Variants in POF1B observed in about 807,000 individuals in gnomAD.
POF1B encodes POF1B actin binding protein, also known as protein POF1B.
POF1B carries 53 observed loss-of-function variants against 55.3 expected under a neutral mutation model. The ratio of observed to expected loss-of-function variants is 0.96; its 90% CI spans 0.77 to 1.20. The LOEUF (loss-of-function observed/expected upper bound fraction) is 1.20. POF1B is among the 50% of genes most tolerant of loss of function. POF1B has a pLI of 0.00. For missense variants in POF1B, 478 were observed against 420.5 expected, an observed-to-expected ratio of 1.14 and a Z score of -1.20; for synonymous variants, 188 against 148.3, an observed-to-expected ratio of 1.27 and a Z score of -1.95.
At chrX:85,347,892 C>T (rs1295627988) in intron 5 of POF1B, among the ~76,000 whole-genome samples, 1 of 110,615 alleles carries the variant, frequency 9.0e-6, no homozygotes, top group African/African-American at 3.3e-5. Flanking sequence ...TCTTCATATA[C>T]TGGAATGAGG....
At chrX:85,364,734 T>A (rs1280763351) in intron 3 of POF1B, among the ~76,000 whole-genome samples, 1 of 111,594 alleles carries the variant, frequency 9.0e-6, no homozygotes, top group Non-Finnish European at 1.9e-5. Context: ...GTCTTGAGGA[T>A]GATCTTCTTG....
At chrX:85,292,543 C>T (rs868234006) in intron 15 of POF1B, among the ~76,000 whole-genome samples, 2 of 111,776 alleles carry the variant, frequency 1.8e-5, no homozygotes, top group Non-Finnish European at 3.8e-5. Flanking sequence ...TGGTAGAATT[C>T]AGCTGCGAAT....
chrX:85,281,218 C>A (rs1378553097), intron 16 of POF1B, among the ~76,000 whole-genome samples: 5 of 107,707 alleles, frequency 4.6e-5, no homozygotes, highest in African/African-American at 1.7e-4. Flanking sequence ...CTAAACAAGA[C>A]GGTATGACAC....
chrX:85,362,007 T>C (rs1933634042), intron 3 of POF1B, among the ~76,000 whole-genome samples: 1 of 107,680 alleles, frequency 9.3e-6, no homozygotes, highest in African/African-American at 3.4e-5. Context: ...TGTGTGGCAA[T>C]TGTGAAAGGG....
rs1932854137 is a variant in POF1B at position 85,322,847 on chromosome X, C to G, written c.855-7113G>C. On this transcript the variant is annotated intron_variant, in intron 7 of 16. Transcript: ENST00000262753. ...CAGCCACAAAACACATGAAAAAATGCTCACCATCACTGGCCATCAGAGAAA... is the reference window on the plus strand; with the variant it reads ...CAGCCACAAAACACATGAAAAAATGGTCACCATCACTGGCCATCAGAGAAA... Among the ~76,000 whole-genome samples the G allele has an allele frequency of 2.7e-5, 3 of 111,746 alleles. No individual in the cohort carries two copies. The Admixed American group carries it at 2.9e-4, about 11-fold the overall frequency.
intron 5 of POF1B, among the ~76,000 whole-genome samples, chrX:85,347,319 A>G (rs966470458): frequency 9.0e-5 from 10 of 111,467 alleles, no homozygotes; most frequent in Non-Finnish European, 1.7e-4. Flanking sequence ...TTAATACAGT[A>G]AAACACTTCA....
rs759191537 is a variant in POF1B, at chrX:85,284,650, T to C, written c.1650-2333A>G. On this transcript the variant is annotated intron_variant, in intron 15 of 16. Coordinates refer to ENST00000262753, the MANE Select transcript of POF1B (RefSeq NM_024921.4). ...CCCTTCCTTACACCTTATACAAAAA[T>C]TAATTCAAGATGGATTAAAGACTTA... 4.0e-3 allele frequency among the ~76,000 whole-genome samples: 444 copies of C among 111,611 alleles called. 5 individuals carry two copies. The highest frequency in any genetic ancestry group is 0.014 in the African/African-American group (416 of 30,666).
rs769911315 is a variant in POF1B at position 85,351,352 on chromosome X, GATCAGT to G, written c.532_537del (p.Thr178_Asp179del). On this transcript the variant is annotated inframe_deletion, in exon 5 of 17. Coordinates refer to ENST00000262753, the MANE Select transcript of POF1B (RefSeq NM_024921.4). The stretch of plus-strand genomic sequence containing the variant: ...TTTTAAAACAAAATATTACTTACCT[GATCAGT>G]ATTTAGCTTCTCCACTTTTCTTATT... 1.7e-6 allele frequency: 2 copies of G among 1,146,664 alleles called. No individual in the cohort carries two copies. The highest frequency in any genetic ancestry group is 2.4e-6 in the Non-Finnish European group (2 of 846,110). The allele number at this position is 1,146,664 out of a possible 1,213,427, so 94.5% of individuals were successfully genotyped here. A position where few individuals can be genotyped will look rare whatever the true frequency, so the allele number is the denominator to read the frequency against.
At chrX:85,358,705 GAAAT>G (rs1933551085) in intron 4 of POF1B, among the ~76,000 whole-genome samples, 1 of 110,679 alleles carries the variant, frequency 9.0e-6, no homozygotes, top group African/African-American at 3.3e-5. Flanking sequence ...ACAGGAAAAA[GAAAT>G]AAAGATTAGA....
At chrX:85,316,530 C>T (rs180972600) in intron 7 of POF1B, among the ~76,000 whole-genome samples, 4 of 110,825 alleles carry the variant, frequency 3.6e-5, no homozygotes, top group African/African-American at 1.3e-4. Context: ...TCATTTTTGC[C>T]AACTTGTTCC....
In POF1B at chrX:85,347,410, C is replaced by G. The variant is rs762105940; in HGVS notation, c.541-1368G>C. ...AAAAGAATGAAATAGTATACTCTTT[C>G]TGCTGTAACATGTTTTAAAAGTGAC... On this transcript the variant is annotated intron_variant, in intron 5 of 16. Coordinates refer to ENST00000262753, the MANE Select transcript of POF1B (RefSeq NM_024921.4). 7.5e-3 allele frequency among the ~76,000 whole-genome samples: 834 copies of G among 111,053 alleles called. 14 individuals are homozygous for G. The highest frequency in any genetic ancestry group is 0.026 in the African/African-American group (789 of 30,747).
Position 85,351,351 on chromosome X carries a change from T to C in POF1B, c.539A>G (p.Gln180Arg). 8.8e-7 allele frequency: 1 copy of C among 1,141,823 alleles called. No homozygotes were observed. The highest frequency in any genetic ancestry group is 1.2e-6 in the Non-Finnish European group (1 of 842,267). The allele number at this position is 1,141,823 out of a possible 1,213,427, so 94.1% of individuals were successfully genotyped here. A position where few individuals can be genotyped will look rare whatever the true frequency, so the allele number is the denominator to read the frequency against. Reference protein sequence around the residue: ...IRKVEKLNTDQGCHPQAQCHH... With the variant: ...IRKVEKLNTDRGCHPQAQCHH... ...GTTTTAAAACAAAATATTACTTACC[T>C]GATCAGTATTTAGCTTCTCCACTTT... Residue 180 changes from glutamine (Q) to arginine (R), a missense_variant and splice_region_variant, in exon 5 of 17, where the codon CAG becomes CGG. Gln to Arg is a conservative substitution (Grantham distance 43). Transcript: ENST00000262753.
chrX:85,360,396 T>C (rs1230027597), intron 3 of POF1B, among the ~76,000 whole-genome samples: 1 of 105,509 alleles, frequency 9.5e-6, no homozygotes, highest in African/African-American at 3.5e-5. Context: ...CACTTATAAG[T>C]GAGAACATGC....
chrX:85,306,423 T>C, intron 11 of POF1B, 90 bp from the exon 12 acceptor site: 1 of 929,771 alleles, frequency 1.1e-6, no homozygotes, highest in Non-Finnish European at 1.5e-6. Context: ...TTGAATCAAG[T>C]AAATATTTTC....
intron 9 of POF1B, among the ~76,000 whole-genome samples, chrX:85,309,252 A>C (rs1932643657): frequency 9.2e-6 from 1 of 108,636 alleles, no homozygotes; most frequent in South Asian, 4.1e-4. Flanking sequence ...GGACATTTAA[A>C]CCACATAAAA....
chrX:85,334,369 G>T (rs1933029137), intron 6 of POF1B, among the ~76,000 whole-genome samples: 1 of 111,259 alleles, frequency 9.0e-6, no homozygotes, highest in African/African-American at 3.3e-5. Context: ...AATTAATTTA[G>T]TTGTTTATCT....
At chrX:85,303,205 G>A (rs935992550) in intron 15 of POF1B, among the ~76,000 whole-genome samples, 1 of 110,887 alleles carries the variant, frequency 9.0e-6, no homozygotes, top group African/African-American at 3.3e-5. Context: ...TTAATATATT[G>A]TAAATTCAGG....
intron 15 of POF1B, among the ~76,000 whole-genome samples, chrX:85,282,567 C>T (rs994480563): frequency 9.0e-6 from 1 of 111,360 alleles, no homozygotes; most frequent in Admixed American, 9.6e-5. Flanking sequence ...CAGCACAGGA[C>T]AGTGACCCCA....
intron 16 of POF1B, among the ~76,000 whole-genome samples, chrX:85,281,730 A>AATAT (rs201694289): frequency 2.0e-3 from 211 of 106,098 alleles, no homozygotes; most frequent in African/African-American, 7.1e-3. Context: ...TAATATATAT[A>AATAT]ATATATATAT....
Sources: gnomAD v4.1 joint callset for allele counts (sites outside exome capture counted in the v4.1 genomes callset) on GRCh38, gnomAD v4.1.1 for gene constraint, MANE v1.5 for transcripts, NCBI Gene and HGNC (gene_info 2026-07-23, HGNC 2026-07-21) for gene names.